Variants in ZNF143 observed in about 807,000 individuals in gnomAD.
ZNF143 encodes the protein zinc finger protein 143, also known as SPH-binding factor.
Under a neutral mutation model 74.1 loss-of-function variants are expected in ZNF143, and 49 were observed. The observed-to-expected ratio is 0.66, with a 90% confidence interval of 0.53 to 0.84. The LOEUF is 0.84. ZNF143 is among the 40% of genes least tolerant of loss of function. ZNF143 has a pLI of 0.00. For synonymous variants in ZNF143, 304 were observed against 282.8 expected, an observed-to-expected ratio of 1.07 and a Z score of -0.75; for missense variants, 637 against 793.4, an observed-to-expected ratio of 0.80 and a Z score of 2.37.
rs200253562 is a variant in ZNF143, at chr11:9,527,616, C to T, written c.*3C>T. On this transcript the variant is annotated 3_prime_UTR_variant, in exon 16 of 16. Coordinates refer to ENST00000396602, the MANE Select transcript of ZNF143 (RefSeq NM_003442.6). ...AAACGCCAGGGTTGGATGATTAATC[C>T]TCAGAACAATGGAGCAATAAAGCAG... The T allele has an allele frequency of 2.6e-4, 417 of 1,613,154 alleles. 2 individuals carry two copies. The highest frequency in any genetic ancestry group is 1.7e-4 in the Admixed American group (10 of 59,982).
At chr11:9,461,154 C>CCGCTTGGGCCCGGGCT in intron 1 of ZNF143, 78 bp downstream of exon 1, 1 of 903,804 alleles carries the variant, frequency 1.1e-6, no homozygotes, top group Non-Finnish European at 1.3e-6. Flanking sequence ...CGGCGCGGGC[C>CCGCTTGGGCCCGGGCT]CGCTTGGGCC....
In ZNF143 at chr11:9,528,051, T is replaced by G. The variant is rs1212501398; in HGVS notation, c.*438T>G. ...ATGGATAATAAAGGGTGTAAAGCCT[T>G]CAGATATTTCCCCAGTTAGTAGAGT... On this transcript the variant is annotated 3_prime_UTR_variant, in exon 16 of 16. Transcript: ENST00000396602. 6.5e-6 allele frequency: 1 copy of G among 153,738 alleles called. No homozygotes were observed. Among genetic ancestry groups the G allele is most frequent in the Non-Finnish European group, 1.5e-5 (1 of 68,794 alleles). 9.5% of individuals were successfully genotyped at this position (153,738 alleles called of 1,614,324 possible).
intron 1 of ZNF143, among the ~76,000 whole-genome samples, chr11:9,467,845 CAAAAAAA>C (rs971001404): frequency 7.5e-5 from 6 of 79,916 alleles, no homozygotes; most frequent in African/African-American, 2.5e-4. Flanking sequence ...ACTCCATCTC[CAAAAAAA>C]AAAAAAAAAA....
intron 3 of ZNF143, 146 bp downstream of exon 3, chr11:9,472,915 T>A: frequency 2.2e-4 from 19 of 86,600 alleles, no homozygotes; most frequent in East Asian, 4.8e-4. Flanking sequence ...AGTTTAATTC[T>A]TTTTTTTTTT....
intron 3 of ZNF143, among the ~76,000 whole-genome samples, chr11:9,473,453 G>T (rs912153000): frequency 6.6e-6 from 1 of 151,312 alleles, no homozygotes; most frequent in African/African-American, 2.4e-5. Flanking sequence ...ATTAGTGTTT[G>T]CTTTGCTCCA....
At chr11:9,470,742 C>T (rs1212659279) in intron 1 of ZNF143, among the ~76,000 whole-genome samples, 2 of 152,032 alleles carry the variant, frequency 1.3e-5, no homozygotes, top group East Asian at 1.9e-4. Flanking sequence ...TGAGCAGAAG[C>T]GGGACATGAG....
chr11:9,478,739 A>G lies in ZNF143; in HGVS notation c.570+153A>G, dbSNP rs142066871. ...TGGCTCACGCCTATAACTTCCCAGC[A>G]CTTTGGGAGGCCAAAGTGGGAGGAT... On this transcript the variant is annotated intron_variant, in intron 6 of 15. Coordinates refer to ENST00000396602, the MANE Select transcript of ZNF143 (RefSeq NM_003442.6). Among the ~76,000 whole-genome samples the G allele has an allele frequency of 3.0e-3, 455 of 152,352 alleles. 2 individuals carry two copies. The highest frequency in any genetic ancestry group is 0.01 in the African/African-American group (435 of 41,596).
intron 3 of ZNF143, among the ~76,000 whole-genome samples, chr11:9,473,022 A>G (rs1184351344): frequency 2.7e-5 from 4 of 149,886 alleles, no homozygotes; most frequent in East Asian, 3.9e-4. Flanking sequence ...ATGTCTTACT[A>G]TTTTCTAGTA....
intron 7 of ZNF143, among the ~76,000 whole-genome samples, chr11:9,484,220 G>C (rs1172833170): frequency 1.3e-5 from 2 of 149,468 alleles, no homozygotes; most frequent in Non-Finnish European, 3.0e-5. Context: ...TTGAGACAGG[G>C]TCTTGCTTTG....
intron 3 of ZNF143, among the ~76,000 whole-genome samples, chr11:9,473,049 TTTACC>T (rs1247465912): frequency 6.6e-6 from 1 of 152,038 alleles, no homozygotes; most frequent in Admixed American, 6.6e-5. Context: ...TTCTTGCTTC[TTTACC>T]TTGGGTCATT....
chr11:9,471,245 A>C (rs1856546943), intron 1 of ZNF143, 57 bp from the exon 2 acceptor site: 2 of 1,393,168 alleles, frequency 1.4e-6, no homozygotes, highest in Admixed American at 2.2e-5. Context: ...TATTCTTTGT[A>C]ACTTTCATTT....
At chr11:9,498,021 G>A (rs538395579) in intron 10 of ZNF143, among the ~76,000 whole-genome samples, 65 of 152,114 alleles carry the variant, frequency 4.3e-4, no homozygotes, top group African/African-American at 1.5e-3. Context: ...TAGTAGAGAC[G>A]GGGTTTCACT....
In ZNF143 at chr11:9,516,370, CT is replaced by C; in HGVS notation, c.1686+14del. 1.2e-6 allele frequency: 2 copies of C among 1,602,382 alleles called. No individual in the cohort carries two copies. The highest frequency in any genetic ancestry group is 8.5e-7 in the Non-Finnish European group (1 of 1,173,474). ...GGTACAGAAGGGGAACAGGTAATTACTTTTTTCTGTTATGTCAATCAATACA... is the reference window on the plus strand; with the variant it reads ...GGTACAGAAGGGGAACAGGTAATTACTTTTTCTGTTATGTCAATCAATACA... On this transcript the variant is annotated intron_variant, in intron 14 of 15. Transcript: ENST00000396602.
At chr11:9,496,265 G>C in intron 8 of ZNF143, 38 bp from the exon 9 acceptor site, 1 of 1,593,834 alleles carries the variant, frequency 6.3e-7, no homozygotes, top group South Asian at 1.1e-5. Context: ...TGAGGAATAC[G>C]TAAAGGAAAT....
chr11:9,501,314 G>A, intron 11 of ZNF143, 44 bp downstream of exon 11: 1 of 1,591,102 alleles, frequency 6.3e-7, no homozygotes, highest in Non-Finnish European at 8.6e-7. Context: ...TCAAGGCTCA[G>A]TTTAACTCCT....
At chr11:9,473,315 C>T (rs1189902091) in intron 3 of ZNF143, among the ~76,000 whole-genome samples, 7 of 149,844 alleles carry the variant, frequency 4.7e-5, no homozygotes, top group Admixed American at 1.3e-4. Context: ...CGCTTGAACC[C>T]GGGAGGCAGA....
At chr11:9,519,344 G>C (rs541394717) in intron 14 of ZNF143, among the ~76,000 whole-genome samples, 2 of 151,854 alleles carry the variant, frequency 1.3e-5, no homozygotes, top group Non-Finnish European at 2.9e-5. Context: ...TGGGGTTTTA[G>C]CATGTTGGCC....
intron 11 of ZNF143, among the ~76,000 whole-genome samples, 153 bp from the exon 12 acceptor site, chr11:9,508,466 G>A (rs1040685683): frequency 1.1e-4 from 17 of 152,182 alleles, no homozygotes; most frequent in African/African-American, 3.1e-4. Flanking sequence ...ACCATAGTTA[G>A]GGAATCTTTT....
At chr11:9,464,641 TAATAAG>T in intron 1 of ZNF143, among the ~76,000 whole-genome samples, 1 of 150,960 alleles carries the variant, frequency 6.6e-6, no homozygotes, top group African/African-American at 2.4e-5. Flanking sequence ...GTTAATTACA[TAATAAG>T]AATAATGCTC....
Sources: allele counts gnomAD v4.1 joint callset (sites outside exome capture counted in the v4.1 genomes callset), GRCh38; gene constraint gnomAD v4.1.1; transcripts MANE v1.5; gene names NCBI Gene and HGNC (gene_info 2026-07-23, HGNC 2026-07-21).